The following CHLSN variants were observed in gnomAD, a reference collection of about 807,000 sequenced individuals.
The protein encoded by CHLSN is cholesin.
the CHLSN span, among the ~76,000 whole-genome samples, chr7:1,127,655 A>G: frequency 0.45 from 20,157 of 44,652 alleles, 4,498 homozygotes; most frequent in East Asian, 0.61. Context: ...GCAGTGGCAC[A>G]ATCTCGGCTC....
At chr7:1,105,155 T>C in the CHLSN span, among the ~76,000 whole-genome samples, 7 of 152,222 alleles carry the variant, frequency 4.6e-5, no homozygotes, top group Non-Finnish European at 1.0e-4. Context: ...GGCAGGAGCA[T>C]GGACAAGCCA....
the CHLSN span, among the ~76,000 whole-genome samples, chr7:1,132,809 A>G: frequency 6.6e-6 from 1 of 152,078 alleles, no homozygotes; most frequent in Non-Finnish European, 1.5e-5. Flanking sequence ...TAACAACTCA[A>G]CAACAGGAGA....
the CHLSN span, chr7:1,028,306 G>C: frequency 1.3e-4 from 134 of 1,048,744 alleles, no homozygotes; most frequent in African/African-American, 1.9e-3. Context: ...GCCGGGGCAG[G>C]GATGCGCCCG....
the CHLSN span, chr7:986,938 C>T: frequency 7.6e-7 from 1 of 1,323,870 alleles, no homozygotes; most frequent in African/African-American, 1.5e-5. Flanking sequence ...GAGCCTCAGT[C>T]TCCTTGTCTG....
chr7:1,046,311 G>A, the CHLSN span, among the ~76,000 whole-genome samples: 9 of 152,342 alleles, frequency 5.9e-5, no homozygotes, highest in Admixed American at 4.6e-4. Flanking sequence ...TTTGCAGAAG[G>A]AAATTATCAC....
At chr7:1,077,444 T>C in the CHLSN span, among the ~76,000 whole-genome samples, 214 of 152,280 alleles carry the variant, frequency 1.4e-3, 1 homozygote, top group African/African-American at 5.1e-3. Context: ...CGTGAGCCAC[T>C]GCACCTGGCC....
the CHLSN span, chr7:1,058,674 C>T: frequency 1.6e-6 from 1 of 611,200 alleles, no homozygotes; most frequent in African/African-American, 1.9e-5. Context: ...AAATGCCACT[C>T]TTGGGCCAAG....
At chr7:1,081,713 ACAGGGAGGCC>A in the CHLSN span, among the ~76,000 whole-genome samples, 2 of 139,452 alleles carry the variant, frequency 1.4e-5, no homozygotes, top group African/African-American at 5.7e-5. Flanking sequence ...TGGGGGAGGG[ACAGGGAGGCC>A]TCTCGAACCC....
the CHLSN span, among the ~76,000 whole-genome samples, chr7:1,096,455 G>A: frequency 3.3e-5 from 5 of 152,210 alleles, no homozygotes; most frequent in Non-Finnish European, 7.3e-5. The surrounding 1 kb of genome is among the most constrained non-coding windows in gnomAD (Gnocchi z 4.6). Flanking sequence ...GCTGGGAGCT[G>A]TAGGACAGAG....
the CHLSN span, chr7:1,028,849 C>G: frequency 4.1e-5 from 33 of 796,938 alleles, no homozygotes; most frequent in East Asian, 1.4e-4. Context: ...CCCCATCTTC[C>G]CAGTCTGCCA....
chr7:1,068,206 C>T, the CHLSN span, among the ~76,000 whole-genome samples: 102 of 152,228 alleles, frequency 6.7e-4, no homozygotes, highest in Non-Finnish European at 1.2e-3. Context: ...GGCCCCTCAG[C>T]GCTGCAGTGT....
the CHLSN span, among the ~76,000 whole-genome samples, chr7:982,704 C>T: frequency 6.6e-6 from 1 of 152,230 alleles, no homozygotes; most frequent in African/African-American, 2.4e-5. Flanking sequence ...TCCCTTGCCC[C>T]GTGGGGAGCT....
the CHLSN span, chr7:1,138,125 C>T: frequency 6.6e-6 from 1 of 151,202 alleles, no homozygotes; most frequent in African/African-American, 2.4e-5. Context: ...GAGCCCGCCC[C>T]GGGGCTCTGG....
the CHLSN span, among the ~76,000 whole-genome samples, chr7:1,079,887 C>T: frequency 1.5e-4 from 23 of 152,256 alleles, no homozygotes; most frequent in African/African-American, 5.3e-4. Context: ...CCCATGCTGC[C>T]GTCAAGAACA....
At chr7:987,510 G>C in the CHLSN span, 7 of 1,535,328 alleles carry the variant, frequency 4.6e-6, no homozygotes, top group Middle Eastern at 1.0e-3. Flanking sequence ...ACACACAGCT[G>C]GGCGGCTTCC....
chr7:1,106,182 C>T, the CHLSN span, among the ~76,000 whole-genome samples: 1 of 152,220 alleles, frequency 6.6e-6, no homozygotes, highest in Non-Finnish European at 1.5e-5. Context: ...CACTGCCCGG[C>T]CGAGCACTCA....
the CHLSN span, chr7:1,082,154 CTTAA>C: frequency 5.9e-5 from 9 of 152,276 alleles, no homozygotes; most frequent in Non-Finnish European, 1.0e-4. Context: ...TCCAATTTGC[CTTAA>C]TTAAACAAAC....
the CHLSN span, chr7:1,021,391 G>A: frequency 2.0e-6 from 2 of 985,328 alleles, no homozygotes; most frequent in Non-Finnish European, 2.4e-6. Context: ...GGATTTCAGT[G>A]ACTGAACCAG....
the CHLSN span, among the ~76,000 whole-genome samples, chr7:1,134,248 C>T: frequency 2.7e-5 from 4 of 150,006 alleles, no homozygotes; most frequent in Non-Finnish European, 2.9e-5. Context: ...ACTCCAGCCT[C>T]GGCGACAGAG....
Sources: allele counts gnomAD v4.1 joint callset (sites outside exome capture counted in the v4.1 genomes callset), GRCh38; gene constraint gnomAD v4.1.1; non-coding constraint Gnocchi (gnomAD v3.1); transcripts MANE v1.5; gene names NCBI Gene and HGNC (gene_info 2026-07-23, HGNC 2026-07-21).